ARHGEF15: variants seen among roughly 807,000 people sequenced by gnomAD.
ARHGEF15 encodes Rho guanine nucleotide exchange factor (GEF) 15.
In ARHGEF15, 58 loss-of-function variants were observed where a neutral mutation model predicts 79.7. That is an observed-to-expected ratio of 0.73 (90% confidence interval 0.59 to 0.91). The LOEUF is 0.91. Ranked by LOEUF, ARHGEF15 falls within the 40% of genes least tolerant of loss-of-function variation. The pLI is 0.00. For synonymous variants in ARHGEF15, 442 were observed against 456.0 expected, an observed-to-expected ratio of 0.97 and a Z score of 0.39; for missense variants, 1,012 against 1,108.1, an observed-to-expected ratio of 0.91 and a Z score of 1.23.
rs1019830136 is a variant in ARHGEF15, at chr17:8,318,322, G to T, written c.1705-65G>T. 1.2e-5 allele frequency: 18 copies of T among 1,500,562 alleles called. No homozygotes were observed. In the African/African-American group the frequency reaches 2.5e-4, roughly 21 times the overall value. The allele number at this position is 1,500,562 out of a possible 1,614,324, so 93.0% of individuals were successfully genotyped here. Reference sequence around the variant, plus strand: ...TGAAACAGACAGGGTCCTCTGAGCTGTGGCCCCTCTGAATCCCAGGGCCAC... The same window carrying T: ...TGAAACAGACAGGGTCCTCTGAGCTTTGGCCCCTCTGAATCCCAGGGCCAC... On this transcript the variant is annotated intron_variant, in intron 9 of 15. Coordinates refer to ENST00000361926, the MANE Select transcript of ARHGEF15 (RefSeq NM_173728.4). The surrounding 1 kb of genome is among the most constrained non-coding windows in gnomAD (Gnocchi z 5.0).
At chr17:8,311,590 G>A (rs560463486) in intron 1 of ARHGEF15, among the ~76,000 whole-genome samples, 89 of 151,610 alleles carry the variant, frequency 5.9e-4, no homozygotes, top group African/African-American at 2.1e-3. Flanking sequence ...GCGCGCCCAC[G>A]GCACCCAGAC....
Position 8,319,347 on chromosome 17 carries a change from C to T in ARHGEF15, c.2222C>T (p.Thr741Ile). The T allele has an allele frequency of 1.9e-6, 3 of 1,614,092 alleles. No individual in the cohort carries two copies. Among genetic ancestry groups the T allele is most frequent in the Non-Finnish European group, 1.7e-6 (2 of 1,180,010 alleles). Residue 741 changes from threonine to isoleucine, a missense_variant, in exon 14 of 16, where the codon ACC becomes ATC. Transcript: ENST00000361926. The part of the protein sequence containing the change: ...DMQRWLGAFP[T>I]PGPLPCSPDT... ...CAGCGCTGGCTGGGAGCCTTCCCAA[C>T]CCCAGGCCCCCTTCCCTGCTCCCCA...
intron 1 of ARHGEF15, chr17:8,310,883 G>A (rs1265601717): frequency 6.6e-6 from 1 of 151,992 alleles, no homozygotes; most frequent in Non-Finnish European, 1.5e-5. Flanking sequence ...TGGGGCCCGA[G>A]TACCTGGGTT....
chr17:8,316,894 T>C (rs985493591), intron 9 of ARHGEF15, among the ~76,000 whole-genome samples: 3 of 152,202 alleles, frequency 2.0e-5, no homozygotes, highest in Non-Finnish European at 4.4e-5. Flanking sequence ...GCGATTCTCC[T>C]GCCTCAGCCT....
intron 9 of ARHGEF15, 124 bp downstream of exon 9, chr17:8,316,272 C>A: frequency 7.2e-7 from 1 of 1,391,422 alleles, no homozygotes; most frequent in Admixed American, 2.5e-5. Flanking sequence ...TCCCCCAAAT[C>A]ATAACTCCGA....
At chr17:8,314,310 T>C (rs1412519230) in intron 4 of ARHGEF15, among the ~76,000 whole-genome samples, 1 of 152,200 alleles carries the variant, frequency 6.6e-6, no homozygotes, top group Non-Finnish European at 1.5e-5. Context: ...GTTATCTGTG[T>C]CCATTCATTT....
In ARHGEF15 at chr17:8,321,212, ACAGAGGCTTAGTG is replaced by A; in HGVS notation, c.*225_*237del. 1 of 623,106 alleles carries A rather than the reference ACAGAGGCTTAGTG, an allele frequency of 1.6e-6. No homozygotes were observed. Among genetic ancestry groups the A allele is most frequent in the South Asian group, 2.0e-5 (1 of 49,110 alleles). 38.6% of individuals were successfully genotyped at this position (623,106 alleles called of 1,614,324 possible). ...TGCCTTGAATGTGTGGCCAATGGAG[ACAGAGGCTTAGTG>A]CAGAGCAGCCAATGGGTACTGAGCT... On this transcript the variant is annotated 3_prime_UTR_variant, in exon 16 of 16. Transcript: ENST00000361926.
In ARHGEF15 at chr17:8,315,438, G is replaced by A. The variant is rs1255912279; in HGVS notation, c.1285G>A (p.Glu429Lys). The stretch of plus-strand genomic sequence containing the variant: ...GAGTCTTTTCGAGGTGGTGACGTCC[G>A]AGGCTTCCTACCTGCGCTCCCTGCG... ...QESLFEVVTS[E>K]ASYLRSLRLL... The change falls in exon 7 of 16, where the codon GAG becomes AAG. Residue 429 changes from glutamate (E) to lysine (K), a missense_variant. Coordinates refer to ENST00000361926, the MANE Select transcript of ARHGEF15 (RefSeq NM_173728.4). This position sits in a 1 kb window ranked among gnomAD's most constrained non-coding sequence, Gnocchi z 4.3. 2 of 1,613,882 alleles carry A rather than the reference G, an allele frequency of 1.2e-6. No homozygotes were observed. The highest frequency in any genetic ancestry group is 2.2e-5 in the South Asian group (2 of 91,070).
chr17:8,318,850 G>T lies in ARHGEF15; in HGVS notation c.1973G>T (p.Arg658Leu), dbSNP rs774959863. 2 of 1,613,354 alleles carry T rather than the reference G, an allele frequency of 1.2e-6. No homozygotes were observed. Among genetic ancestry groups the T allele is most frequent in the Non-Finnish European group, 1.7e-6 (2 of 1,179,984 alleles). The change falls in exon 12 of 16, where the codon CGC becomes CTC. Residue 658 changes from arginine (R) to leucine (L), a missense_variant. Coordinates refer to ENST00000361926, the MANE Select transcript of ARHGEF15 (RefSeq NM_173728.4). This position sits in a 1 kb window ranked among gnomAD's most constrained non-coding sequence, Gnocchi z 5.0. Reference protein sequence around the residue: ...RGGVLFASRPRFTPLCLLLFS... With the variant: ...RGGVLFASRPLFTPLCLLLFS... ...GGCGTGCTCTTTGCCTCGCGCCCCCGCTTCACCCCTCTTTGCCTGCTGCTC... is the reference window on the plus strand; with the variant it reads ...GGCGTGCTCTTTGCCTCGCGCCCCCTCTTCACCCCTCTTTGCCTGCTGCTC...
At chr17:8,319,269 G>C in intron 13 of ARHGEF15, 43 bp from the exon 14 acceptor site, 1 of 1,609,316 alleles carries the variant, frequency 6.2e-7, no homozygotes. Context: ...AGCCCCAGAG[G>C]ATCTTTTGGG....
Position 8,315,513 on chromosome 17 carries a change from AC to A in ARHGEF15, c.1366del (p.Arg456ValfsTer21), listed in dbSNP as rs1567676744. On this transcript the variant is annotated frameshift_variant, in exon 7 of 16. Coordinates refer to ENST00000361926, the MANE Select transcript of ARHGEF15 (RefSeq NM_173728.4). LOFTEE classifies it high-confidence loss of function. The surrounding 1 kb of genome is among the most constrained non-coding windows in gnomAD (Gnocchi z 4.3). The stretch of plus-strand genomic sequence containing the variant: ...GAGCCAGGCACTCCGGGACACGCTC[AC>A]CCCCCGTGATCACCACACACTCTTC... ...VLSQALRDTL[T>X]PRDHHTLFSN... is the part of the protein sequence containing the mutation. The A allele has an allele frequency of 2.5e-6, 4 of 1,611,926 alleles. No individual in the cohort carries two copies. The Admixed American group carries it at 6.7e-5, about 27-fold the overall frequency.
Position 8,318,636 on chromosome 17 carries a change from C to A in ARHGEF15, c.1846C>A (p.Gln616Lys), listed in dbSNP as rs780637512. 1 of 1,613,614 alleles carries A rather than the reference C, an allele frequency of 6.2e-7. No individual in the cohort carries two copies. The change falls in exon 11 of 16, where the codon CAA (glutamine) becomes AAA (lysine). Residue 616 changes from glutamine to lysine, a missense_variant. Around this residue, in one of 3 missense-constraint regions of ARHGEF15, gnomAD observed 818 missense variants for 882.5 expected, o/e 0.93. Transcript: ENST00000361926. This position sits in a 1 kb window ranked among gnomAD's most constrained non-coding sequence, Gnocchi z 5.0. The part of the protein sequence containing the change: ...KQTEELIRLT[Q>K]RLRFHKVKAL... Reference sequence around the variant, plus strand: ...GACTGAAGAGCTGATCCGGCTCACCCAAAGGCTGCGCTTCCACAAAGTCAA... The same window carrying A: ...GACTGAAGAGCTGATCCGGCTCACCAAAAGGCTGCGCTTCCACAAAGTCAA...
chr17:8,316,725 T>C (rs550868266), intron 9 of ARHGEF15, among the ~76,000 whole-genome samples: 2 of 152,214 alleles, frequency 1.3e-5, no homozygotes, highest in South Asian at 2.1e-4. Context: ...GGCAACTTAG[T>C]GGGGTGATAC....
Position 8,321,149 on chromosome 17 carries a change from C to T in ARHGEF15, c.*156C>T, listed in dbSNP as rs955182973. The T allele has an allele frequency of 9.8e-6, 10 of 1,015,552 alleles. No homozygotes were observed. The highest frequency in any genetic ancestry group is 2.5e-5 in the East Asian group (1 of 39,240). The allele number at this position is 1,015,552 out of a possible 1,614,324, so 62.9% of individuals were successfully genotyped here. A position where few individuals can be genotyped will look rare whatever the true frequency, so the allele number is the denominator to read the frequency against. ...TTCAGGACAGAGCAGCCAATGAAAACGGCCGCCTGAACCCACAGCAATAAG... is the reference window on the plus strand; with the variant it reads ...TTCAGGACAGAGCAGCCAATGAAAATGGCCGCCTGAACCCACAGCAATAAG... On this transcript the variant is annotated 3_prime_UTR_variant, in exon 16 of 16. Coordinates refer to ENST00000361926, the MANE Select transcript of ARHGEF15 (RefSeq NM_173728.4).
At position 8,315,670 on chromosome 17, in the gene ARHGEF15, CAGTT is replaced by C. The variant is rs1904974040; in HGVS notation, c.1422-80_1422-77del. ...GCCCAGGTCCTTCCTTCTACGGACC[CAGTT>C]AGTTCCCAAACCTTCTCTCAAGAAC... On this transcript the variant is annotated intron_variant, in intron 7 of 15. Coordinates refer to ENST00000361926, the MANE Select transcript of ARHGEF15 (RefSeq NM_173728.4). This position sits in a 1 kb window ranked among gnomAD's most constrained non-coding sequence, Gnocchi z 4.3. The C allele has an allele frequency of 1.3e-6, 2 of 1,588,522 alleles. No individual in the cohort carries two copies. The highest frequency in any genetic ancestry group is 1.3e-5 in the African/African-American group (1 of 74,496).
rs770224552 is a variant in ARHGEF15, at chr17:8,318,106, G to A, written c.1705-281G>A. On this transcript the variant is annotated intron_variant, in intron 9 of 15. Transcript: ENST00000361926. This position sits in a 1 kb window ranked among gnomAD's most constrained non-coding sequence, Gnocchi z 5.0. ...GAACCTTCTTTTCAACATTTAATATGTGCCAAGAACTATGCTAAGCACTTT... is the reference window on the plus strand; with the variant it reads ...GAACCTTCTTTTCAACATTTAATATATGCCAAGAACTATGCTAAGCACTTT... The A allele has an allele frequency of 2.9e-5, 10 of 347,632 alleles. No individual in the cohort carries two copies. Among genetic ancestry groups the A allele is most frequent in the Non-Finnish European group, 5.2e-5 (10 of 192,608 alleles). The allele number at this position is 347,632 out of a possible 1,614,324, so 21.5% of individuals were successfully genotyped here.
At chr17:8,313,277 C>A (rs770237994) in intron 3 of ARHGEF15, 23 bp downstream of exon 3, 6 of 1,596,366 alleles carry the variant, frequency 3.8e-6, no homozygotes, top group Non-Finnish European at 4.3e-6. Context: ...GGGGAGTGGA[C>A]CTCTGGGCTG....
chr17:8,320,386 G>A (rs1490700858), intron 15 of ARHGEF15, among the ~76,000 whole-genome samples: 1 of 152,136 alleles, frequency 6.6e-6, no homozygotes, highest in Non-Finnish European at 1.5e-5. Flanking sequence ...GCAACATGAA[G>A]CTTGATGGAG....
chr17:8,316,992 A>G (rs1905066924), intron 9 of ARHGEF15, among the ~76,000 whole-genome samples: 1 of 152,174 alleles, frequency 6.6e-6, no homozygotes, highest in South Asian at 2.1e-4. Context: ...CATGTTGGCC[A>G]GGCTGCTATC....
Sources: allele counts gnomAD v4.1 joint callset (sites outside exome capture counted in the v4.1 genomes callset), GRCh38; gene constraint gnomAD v4.1.1; regional missense constraint gnomAD v4.1.1; non-coding constraint Gnocchi (gnomAD v3.1); transcripts MANE v1.5; gene names NCBI Gene and HGNC (gene_info 2026-07-23, HGNC 2026-07-21).